The following ATG10 variants were observed in gnomAD, a reference collection of about 807,000 sequenced individuals.
ATG10 encodes the protein autophagy related 10.
ATG10 carries 30 observed loss-of-function variants against 32.1 expected under a neutral mutation model. The observed-to-expected ratio is 0.94, with a 90% CI of 0.70 to 1.27. The LOEUF (loss-of-function observed/expected upper bound fraction) is 1.27, where lower values mean the gene tolerates loss of function less well. Ranked by LOEUF, ATG10 falls within the 50% of genes most tolerant of loss-of-function variation. The probability of loss-of-function intolerance (pLI) is 0.00; values close to 1 mark genes in which losing one functional copy is unlikely to be tolerated. For synonymous variants in ATG10, 87 were observed against 91.5 expected, an observed-to-expected ratio of 0.95 and a Z score of 0.28; for missense variants, 233 against 262.3, an observed-to-expected ratio of 0.89 and a Z score of 0.77.
intron 3 of ATG10, among the ~76,000 whole-genome samples, chr5:82,080,047 T>A (rs1203519937): frequency 2.0e-5 from 3 of 152,242 alleles, no homozygotes; most frequent in Non-Finnish European, 4.4e-5. Context: ...GACTTTTTAA[T>A]GATTACCATT....
intron 4 of ATG10, among the ~76,000 whole-genome samples, chr5:82,177,267 T>C (rs1477722193): frequency 6.6e-6 from 1 of 152,112 alleles, no homozygotes; most frequent in Non-Finnish European, 1.5e-5. Context: ...ACATGGAGAG[T>C]AAGTGCCAAC....
At chr5:82,004,058 G>A (rs780933131) in intron 2 of ATG10, among the ~76,000 whole-genome samples, 8 of 152,080 alleles carry the variant, frequency 5.3e-5, no homozygotes, top group Non-Finnish European at 8.8e-5. Flanking sequence ...ACTTGAAGCC[G>A]GGAGGTGGAG....
intron 3 of ATG10, among the ~76,000 whole-genome samples, chr5:82,086,577 T>C (rs1401630962): frequency 1.3e-5 from 2 of 152,186 alleles, no homozygotes; most frequent in East Asian, 3.9e-4. Flanking sequence ...GTTGGACTTC[T>C]TAGCTGTGGT....
chr5:82,136,156 G>A (rs543320910), intron 3 of ATG10, among the ~76,000 whole-genome samples: 5 of 152,260 alleles, frequency 3.3e-5, no homozygotes, highest in South Asian at 4.1e-4. Flanking sequence ...ACAGCACACC[G>A]ATGGGTCTTG....
At chr5:82,088,600 A>T (rs1417081560) in intron 3 of ATG10, among the ~76,000 whole-genome samples, 1 of 152,222 alleles carries the variant, frequency 6.6e-6, no homozygotes, top group Non-Finnish European at 1.5e-5. Context: ...CTCTTACCTC[A>T]TCCTAGTCCC....
intron 1 of ATG10, among the ~76,000 whole-genome samples, chr5:81,977,510 G>A (rs1045843516): frequency 4.6e-5 from 7 of 152,236 alleles, no homozygotes; most frequent in African/African-American, 7.2e-5. Flanking sequence ...CTTGAAGAGC[G>A]GGTTCCCCAT....
chr5:82,065,414 G>A (rs937493848), intron 3 of ATG10, among the ~76,000 whole-genome samples: 2 of 151,722 alleles, frequency 1.3e-5, no homozygotes, highest in African/African-American at 4.8e-5. Flanking sequence ...CCCAGGAGGC[G>A]GAGGTTGTAG....
At chr5:81,987,285 G>T (rs1245710833) in intron 1 of ATG10, among the ~76,000 whole-genome samples, 1 of 152,054 alleles carries the variant, frequency 6.6e-6, no homozygotes, top group Admixed American at 6.6e-5. Flanking sequence ...ACTATGCCTG[G>T]CTAACTGTAT....
chr5:82,202,241 G>A (rs1159266095), intron 5 of ATG10, among the ~76,000 whole-genome samples: 2 of 152,070 alleles, frequency 1.3e-5, no homozygotes, highest in Non-Finnish European at 2.9e-5. Context: ...TATTCTAGCT[G>A]TTTCTCTGAA....
chr5:82,137,819 C>T (rs938497064), intron 3 of ATG10, among the ~76,000 whole-genome samples: 1 of 152,192 alleles, frequency 6.6e-6, no homozygotes, highest in African/African-American at 2.4e-5. Flanking sequence ...TCGCCCACTG[C>T]CACCTCTTCC....
intron 3 of ATG10, among the ~76,000 whole-genome samples, chr5:82,119,194 C>T (rs902194406): frequency 2.0e-5 from 3 of 152,058 alleles, no homozygotes; most frequent in Non-Finnish European, 4.4e-5. Flanking sequence ...TATGAGAAGA[C>T]AAAATTTGGA....
intron 2 of ATG10, among the ~76,000 whole-genome samples, chr5:82,049,759 A>G (rs1387292817): frequency 6.6e-6 from 1 of 152,244 alleles, no homozygotes; most frequent in Non-Finnish European, 1.5e-5. Flanking sequence ...AGTGAGTTCA[A>G]AAAGGTAAGA....
At chr5:82,109,290 G>A (rs1019538207) in intron 3 of ATG10, among the ~76,000 whole-genome samples, 1 of 152,014 alleles carries the variant, frequency 6.6e-6, no homozygotes, top group Admixed American at 6.6e-5. Flanking sequence ...GGACAGTATG[G>A]GAACTGAGGA....
intron 3 of ATG10, among the ~76,000 whole-genome samples, chr5:82,122,287 A>T (rs996111644): frequency 3.3e-5 from 5 of 152,108 alleles, no homozygotes; most frequent in Admixed American, 6.6e-5. Context: ...TCAAAAAATG[A>T]TGCTAGGATA....
chr5:81,999,376 T>G (rs1451936412), intron 2 of ATG10, among the ~76,000 whole-genome samples: 1 of 152,062 alleles, frequency 6.6e-6, no homozygotes, highest in Non-Finnish European at 1.5e-5. Context: ...GGGACACAGC[T>G]AAAGCAGTGA....
chr5:82,014,767 C>T (rs970152752), intron 2 of ATG10, among the ~76,000 whole-genome samples: 20 of 152,170 alleles, frequency 1.3e-4, no homozygotes, highest in African/African-American at 4.8e-4. Context: ...CACTGATGGG[C>T]CTTGACTCTA....
intron 3 of ATG10, among the ~76,000 whole-genome samples, chr5:82,135,970 G>A (rs1260117330): frequency 6.6e-6 from 1 of 152,068 alleles, no homozygotes; most frequent in African/African-American, 2.4e-5. Flanking sequence ...TTTACCATAT[G>A]TAATGCCCTT....
intron 5 of ATG10, among the ~76,000 whole-genome samples, chr5:82,180,413 A>C (rs1244689526): frequency 6.6e-6 from 1 of 152,184 alleles, no homozygotes; most frequent in African/African-American, 2.4e-5. Flanking sequence ...TCTGAAATCC[A>C]AATCTGTAGA....
At chr5:82,118,387 C>T (rs2562531) in intron 3 of ATG10, among the ~76,000 whole-genome samples, 202 of 80,582 alleles carry the variant, frequency 2.5e-3, no homozygotes, top group Middle Eastern at 0.013. Context: ...AATATATGTA[C>T]ATATATATAT....
Sources: gnomAD v4.1 joint callset for allele counts (sites outside exome capture counted in the v4.1 genomes callset) on GRCh38, gnomAD v4.1.1 for gene constraint, MANE v1.5 for transcripts, NCBI Gene and HGNC (gene_info 2026-07-23, HGNC 2026-07-21) for gene names.